Variants in CPE observed in about 807,000 individuals in gnomAD.
The protein encoded by CPE is carbocypeptidase E.
Under a neutral mutation model 53.5 loss-of-function variants are expected in CPE, and 17 were observed. That is an observed-to-expected ratio of 0.32 (90% CI 0.22 to 0.48). CPE has a LOEUF of 0.48. Among genes scored for constraint, CPE ranks in the 20% least tolerant of loss-of-function variants. CPE has a pLI of 0.99. For missense variants in CPE, 524 were observed against 614.7 expected (o/e 0.85, Z 1.56); for synonymous variants, 226 against 228.8 (o/e 0.99, Z 0.11).
At chr4:165,439,162 T>A (rs527449218) in intron 1 of CPE, among the ~76,000 whole-genome samples, 11 of 152,292 alleles carry the variant, frequency 7.2e-5, no homozygotes, top group African/African-American at 2.6e-4. Flanking sequence ...TAATCTAGCA[T>A]CATGTTTGAA....
At chr4:165,400,441 A>G (rs1196525747) in intron 1 of CPE, among the ~76,000 whole-genome samples, 1 of 152,206 alleles carries the variant, frequency 6.6e-6, no homozygotes, top group Non-Finnish European at 1.5e-5. Flanking sequence ...GGCAGTAGGT[A>G]TGATTCAGAG....
chr4:165,451,977 A>G (rs913923978), intron 1 of CPE, among the ~76,000 whole-genome samples: 1 of 149,436 alleles, frequency 6.7e-6, no homozygotes, highest in African/African-American at 2.5e-5. Flanking sequence ...GCTACATGCC[A>G]CTTTGGTCCT....
chr4:165,402,294 A>G (rs995945438), intron 1 of CPE, among the ~76,000 whole-genome samples: 4 of 152,212 alleles, frequency 2.6e-5, no homozygotes, highest in African/African-American at 7.2e-5. Context: ...GACTGGTCCC[A>G]TTTGTAACCT....
At chr4:165,413,916 A>T (rs1258062072) in intron 1 of CPE, among the ~76,000 whole-genome samples, 1 of 152,238 alleles carries the variant, frequency 6.6e-6, no homozygotes, top group Non-Finnish European at 1.5e-5. Context: ...ATTCATGCAT[A>T]TTTATGATTC....
chr4:165,441,919 G>A (rs746598024), intron 1 of CPE, among the ~76,000 whole-genome samples: 15 of 150,890 alleles, frequency 9.9e-5, no homozygotes, highest in African/African-American at 2.7e-4. Context: ...GAAAGGTAGC[G>A]TTCTTTTTGT....
intron 1 of CPE, among the ~76,000 whole-genome samples, chr4:165,426,899 G>C (rs188744836): frequency 2.0e-4 from 30 of 152,302 alleles, no homozygotes; most frequent in African/African-American, 7.2e-4. Flanking sequence ...AAAGCTCTTC[G>C]AGGCAGAGAG....
At position 165,379,503 on chromosome 4, in the gene CPE, C is replaced by T. The variant is rs769253382; in HGVS notation, c.282C>T (p.Ser94=). The T allele has an allele frequency of 7.5e-6, 12 of 1,596,058 alleles. No individual in the cohort carries two copies. Among genetic ancestry groups the T allele is most frequent in the East Asian group, 4.5e-5 (2 of 44,354 alleles). The change falls in exon 1 of 9, where the codon TCC becomes TCT. Residue 94 remains serine (S), a synonymous_variant. Transcript: ENST00000402744. This position sits in a 1 kb window ranked among gnomAD's most constrained non-coding sequence, Gnocchi z 6.0. ...GGGAGCTCCTGGTCATCGAGCTGTC[C>T]GACAACCCTGGCGTCCATGAGCCTG... is the stretch of plus-strand genomic sequence containing the variant. ...EGRELLVIEL[S]DNPGVHEPGE... is the part of the protein sequence containing the mutation.
chr4:165,418,075 A>G (rs546791078), intron 1 of CPE, among the ~76,000 whole-genome samples: 238 of 152,330 alleles, frequency 1.6e-3, no homozygotes, highest in Non-Finnish European at 2.7e-3. Context: ...GATGACACCA[A>G]TGTAGGTAGT....
At chr4:165,493,524 C>T (rs751963456) in intron 7 of CPE, among the ~76,000 whole-genome samples, 32 of 152,240 alleles carry the variant, frequency 2.1e-4, no homozygotes, top group Non-Finnish European at 4.1e-4. Context: ...CGCCCCAGAG[C>T]TGGGAGGTGG....
chr4:165,387,294 T>G (rs1452551115), intron 1 of CPE, among the ~76,000 whole-genome samples: 1 of 152,174 alleles, frequency 6.6e-6, no homozygotes, highest in East Asian at 1.9e-4. Flanking sequence ...ATAAATGAAT[T>G]ACTTATGATA....
rs1375200801 is a variant in CPE, at chr4:165,458,198, A to T, written c.308-6192A>T. On this transcript the variant is annotated intron_variant, in intron 1 of 8. Transcript: ENST00000402744. The stretch of plus-strand genomic sequence containing the variant: ...TTGCTTGTATAGCAGTTTGTAAATC[A>T]AATCAGTGCGGTGATTGTGAGGCTT... Among the ~76,000 whole-genome samples the T allele has an allele frequency of 2.6e-5, 4 of 152,234 alleles. No individual in the cohort carries two copies. The South Asian group carries it at 8.3e-4, about 31-fold the overall frequency.
intron 1 of CPE, among the ~76,000 whole-genome samples, chr4:165,453,224 C>G (rs937224879): frequency 3.3e-5 from 5 of 152,102 alleles, no homozygotes; most frequent in African/African-American, 1.2e-4. Flanking sequence ...TCCCAAAGTG[C>G]TAGGATGAAG....
intron 1 of CPE, among the ~76,000 whole-genome samples, chr4:165,436,590 A>C (rs1731505619): frequency 6.6e-6 from 1 of 152,246 alleles, no homozygotes; most frequent in Non-Finnish European, 1.5e-5. Context: ...CAGCCCATAC[A>C]CTGCAGTTTG....
At chr4:165,461,981 T>C (rs1033900415) in intron 1 of CPE, among the ~76,000 whole-genome samples, 2 of 152,256 alleles carry the variant, frequency 1.3e-5, no homozygotes, top group African/African-American at 4.8e-5. Context: ...GTATCTTCAA[T>C]ATAATGACCT....
intron 1 of CPE, among the ~76,000 whole-genome samples, chr4:165,430,829 G>A (rs1276678227): frequency 1.3e-5 from 2 of 152,136 alleles, no homozygotes; most frequent in East Asian, 3.9e-4. Flanking sequence ...AGACACCAAG[G>A]TTGAAGAATG....
intron 1 of CPE, among the ~76,000 whole-genome samples, chr4:165,411,915 A>G (rs563740683): frequency 8.1e-4 from 123 of 152,160 alleles, no homozygotes; most frequent in Non-Finnish European, 1.5e-3. Flanking sequence ...GAGAGTCTCT[A>G]CGTTCCTCCA....
chr4:165,482,454 A>G (rs922903141), intron 4 of CPE, 95 bp downstream of exon 4: 1 of 827,700 alleles, frequency 1.2e-6, no homozygotes, highest in Admixed American at 2.3e-5. Context: ...TAAGGAACTG[A>G]ACATTAAGTG....
At chr4:165,405,792 C>T in intron 1 of CPE, 2 of 842,530 alleles carry the variant, frequency 2.4e-6, no homozygotes, top group Non-Finnish European at 2.1e-6. Context: ...CAGGCACACC[C>T]ACCATTTTGG....
chr4:165,386,990 A>T (rs1374784173), intron 1 of CPE, among the ~76,000 whole-genome samples: 1 of 152,212 alleles, frequency 6.6e-6, no homozygotes, highest in Non-Finnish European at 1.5e-5. Flanking sequence ...AATTTGAAAC[A>T]TGTTTAAATT....
Sources: gnomAD v4.1 joint callset for allele counts (sites outside exome capture counted in the v4.1 genomes callset) on GRCh38, gnomAD v4.1.1 for gene constraint, Gnocchi (gnomAD v3.1) non-coding constraint, MANE v1.5 for transcripts, NCBI Gene and HGNC (gene_info 2026-07-23, HGNC 2026-07-21) for gene names.